The following KIAA0930 variants were observed in gnomAD, a reference collection of about 807,000 sequenced individuals.
KIAA0930 encodes uncharacterized protein KIAA0930.
Under a neutral mutation model 43.9 loss-of-function variants are expected in KIAA0930, and 24 were observed. The observed-to-expected ratio is 0.55, with a 90% CI of 0.40 to 0.77. The LOEUF is 0.77. Ranked by LOEUF, KIAA0930 falls within the 30% of genes least tolerant of loss-of-function variation. KIAA0930 has a pLI of 0.00. For synonymous variants in KIAA0930, 259 were observed against 216.4 expected (o/e 1.20, Z -1.73); for missense variants, 461 against 574.2 (o/e 0.80, Z 2.02).
intron 1 of KIAA0930, among the ~76,000 whole-genome samples, chr22:45,238,115 C>T (rs1050480094): frequency 5.3e-5 from 8 of 151,146 alleles, no homozygotes; most frequent in Non-Finnish European, 1.2e-4. Context: ...TTAGTAGAGA[C>T]GGGGGTTTCC....
chr22:45,204,544 A>G (rs1001079516), intron 5 of KIAA0930, among the ~76,000 whole-genome samples: 1 of 152,160 alleles, frequency 6.6e-6, no homozygotes, highest in African/African-American at 2.4e-5. Flanking sequence ...GGGAGGGGAC[A>G]TGACCTCCCT....
intron 1 of KIAA0930, among the ~76,000 whole-genome samples, chr22:45,216,939 G>T (rs537993183): frequency 7.2e-5 from 11 of 152,176 alleles, no homozygotes; most frequent in African/African-American, 2.7e-4. Context: ...TGAGGCAGCC[G>T]TGAACACTGA....
rs1013003128 is a variant in KIAA0930, at chr22:45,203,042, G to T, written c.800C>A (p.Ser267Tyr). ...GGAGTCCTCTTCAGTCCCACAGGGG[G>T]ATGTGTCACCTGTAGACACTCGGCT... is the stretch of plus-strand genomic sequence containing the variant. ...AVSRVSTGDT[S>Y]PCGTEEDSSP... Residue 267 changes from serine to tyrosine, a missense_variant, in exon 7 of 10, where the codon TCC becomes TAC. Ser to Tyr is a moderately radical substitution (Grantham distance 144, BLOSUM62 -2). Transcript: ENST00000336156. 6.2e-7 allele frequency: 1 copy of T among 1,613,538 alleles called. No individual in the cohort carries two copies. The highest frequency in any genetic ancestry group is 1.3e-5 in the African/African-American group (1 of 75,054).
intron 4 of KIAA0930, 144 bp downstream of exon 4, chr22:45,205,486 C>T (rs1043779441): frequency 2.7e-5 from 24 of 897,124 alleles, no homozygotes; most frequent in Middle Eastern, 3.1e-4. Flanking sequence ...GAATGGGATA[C>T]GGGATCCCAG....
rs202199648 is a variant in KIAA0930, at chr22:45,205,834, C to T, written c.295G>A (p.Asp99Asn). 31 of 1,609,320 alleles carry T rather than the reference C, an allele frequency of 1.9e-5. No individual in the cohort carries two copies. The East Asian group carries it at 3.8e-4, about 20-fold the overall frequency. ...TTCAGGCAGACGCTCTCCTCCCAGT[C>T]GATGTCAGGGTCTCCCAGGCCTGGC... ...KLPGLGDPDI[D>N]WEESVCLNLI... The change falls in exon 3 of 10, where the codon GAC (aspartate) becomes AAC (asparagine). Residue 99 changes from aspartate to asparagine, a missense_variant. By Grantham distance (23) the Asp-to-Asn change is conservative. Coordinates refer to ENST00000336156, the MANE Select transcript of KIAA0930 (RefSeq NM_001009880.2).
intron 1 of KIAA0930, among the ~76,000 whole-genome samples, chr22:45,213,150 C>T (rs1255500201): frequency 6.6e-6 from 1 of 152,104 alleles, no homozygotes; most frequent in Non-Finnish European, 1.5e-5. Flanking sequence ...AGTGGGCTGA[C>T]CAGGACTCGG....
chr22:45,238,132 T>C (rs1399803320), intron 1 of KIAA0930, among the ~76,000 whole-genome samples: 1 of 151,924 alleles, frequency 6.6e-6, no homozygotes, highest in African/African-American at 2.4e-5. Context: ...TTCCTCATGT[T>C]AGCCAGGCTG....
chr22:45,225,415 A>T (rs968385566), intron 1 of KIAA0930, among the ~76,000 whole-genome samples: 23 of 151,758 alleles, frequency 1.5e-4, no homozygotes, highest in Admixed American at 1.2e-3. Context: ...CGTGCCTAAA[A>T]CCCCTGCCTG....
intron 8 of KIAA0930, 27 bp downstream of exon 8, chr22:45,199,846 A>G (rs1438202394): frequency 1.2e-5 from 19 of 1,520,718 alleles, no homozygotes; most frequent in Non-Finnish European, 1.6e-5. Flanking sequence ...GGGCACGGGG[A>G]CCCTAGGGCA....
At chr22:45,233,910 G>A (rs1156885900) in intron 1 of KIAA0930, among the ~76,000 whole-genome samples, 1 of 152,224 alleles carries the variant, frequency 6.6e-6, no homozygotes, top group African/African-American at 2.4e-5. Flanking sequence ...AGGGATCAGA[G>A]GTCCAGAGGG....
At chr22:45,234,890 T>G (rs904367839) in intron 1 of KIAA0930, among the ~76,000 whole-genome samples, 6 of 152,206 alleles carry the variant, frequency 3.9e-5, no homozygotes, top group African/African-American at 1.4e-4. Context: ...TTTAAAAACC[T>G]CTGGAAAGAT....
rs1278216057 is a variant in KIAA0930 at position 45,200,612 on chromosome 22, T to C, written c.853-577A>G. 2.0e-5 allele frequency among the ~76,000 whole-genome samples: 3 copies of C among 152,204 alleles called. No individual in the cohort carries two copies. In the East Asian group the frequency reaches 5.8e-4, roughly 29 times the overall value. On this transcript the variant is annotated intron_variant, in intron 7 of 9. Transcript: ENST00000336156. ...CATTCCCAGCACCCTTCACAGGAAA[T>C]ACTGTGCTAAGTAGCTCTATGCCTC...
intron 1 of KIAA0930, among the ~76,000 whole-genome samples, chr22:45,232,860 T>C (rs983541218): frequency 3.3e-5 from 5 of 152,130 alleles, no homozygotes; most frequent in African/African-American, 1.2e-4. Context: ...TCAGCCTCCG[T>C]TTCCCTGATG....
At chr22:45,233,913 C>T (rs1041832161) in intron 1 of KIAA0930, among the ~76,000 whole-genome samples, 3 of 152,230 alleles carry the variant, frequency 2.0e-5, no homozygotes, top group African/African-American at 7.2e-5. Flanking sequence ...GATCAGAGGT[C>T]CAGAGGGACA....
chr22:45,209,919 G>C (rs1171938511), intron 2 of KIAA0930, among the ~76,000 whole-genome samples: 2 of 151,972 alleles, frequency 1.3e-5, no homozygotes, highest in African/African-American at 4.8e-5. Context: ...AATTCCTCAG[G>C]CCTAGATCCA....
intron 7 of KIAA0930, 45 bp from the exon 8 acceptor site, chr22:45,200,080 C>A: frequency 6.5e-7 from 1 of 1,535,896 alleles, no homozygotes; most frequent in Non-Finnish European, 8.8e-7. Context: ...GAACAGCCCC[C>A]TCCCCGGGGG....
At chr22:45,212,266 C>A in intron 1 of KIAA0930, 159 bp from the exon 2 acceptor site, 1 of 1,613,418 alleles carries the variant, frequency 6.2e-7, no homozygotes, top group African/African-American at 1.3e-5. Context: ...GACCCCCACC[C>A]ATGGAGCATC....
At position 45,205,620 on chromosome 22, in the gene KIAA0930, C is replaced by A; in HGVS notation, c.414+10G>T. On this transcript the variant is annotated intron_variant, in intron 4 of 9. Coordinates refer to ENST00000336156, the MANE Select transcript of KIAA0930 (RefSeq NM_001009880.2). ...GTTAGGAGGCTGGGGGCTCTCGTGC[C>A]AGGGCTCACCTGAGATTTCTTCTTA... The A allele has an allele frequency of 6.2e-7, 1 of 1,613,664 alleles. No individual in the cohort carries two copies. Among genetic ancestry groups the A allele is most frequent in the South Asian group, 1.1e-5 (1 of 91,060 alleles).
chr22:45,231,715 C>A (rs1039764492), intron 1 of KIAA0930, among the ~76,000 whole-genome samples: 2 of 152,102 alleles, frequency 1.3e-5, no homozygotes, highest in African/African-American at 4.8e-5. Context: ...TTAACAGGCA[C>A]ACCAGGCGCA....
Sources: allele counts gnomAD v4.1 joint callset (sites outside exome capture counted in the v4.1 genomes callset), GRCh38; gene constraint gnomAD v4.1.1; transcripts MANE v1.5; gene names NCBI Gene and HGNC (gene_info 2026-07-23, HGNC 2026-07-21).